The following COL13A1 variants were observed in gnomAD, a reference collection of about 807,000 sequenced individuals.
The protein encoded by COL13A1 is collagen type XIII alpha 1 chain.
COL13A1 carries 89 observed loss-of-function variants against 130.9 expected under a neutral mutation model. The ratio of observed to expected loss-of-function variants is 0.68; its 90% CI spans 0.57 to 0.81. The LOEUF is 0.81. Ranked by LOEUF, COL13A1 falls within the 30% of genes least tolerant of loss-of-function variation. The pLI is 0.00. For synonymous variants in COL13A1, 402 were observed against 341.6 expected (o/e 1.18, Z -1.95); for missense variants, 879 against 934.6 (o/e 0.94, Z 0.78).
intron 1 of COL13A1, among the ~76,000 whole-genome samples, chr10:69,807,359 G>A (rs1841868686): frequency 6.6e-6 from 1 of 152,218 alleles, no homozygotes; most frequent in Admixed American, 6.5e-5. Context: ...GGGAGAGGAA[G>A]TGGTTGAAAC....
At chr10:69,932,673 G>A (rs2066282817) in intron 31 of COL13A1, 69 bp downstream of exon 31, 3 of 1,063,302 alleles carry the variant, frequency 2.8e-6, no homozygotes, top group Non-Finnish European at 4.3e-6. Flanking sequence ...GTATTTCTGT[G>A]CTTTAGAATG....
intron 32 of COL13A1, among the ~76,000 whole-genome samples, chr10:69,936,169 GAAGGAAGGA>G (rs1480158884): frequency 0.49 from 12,789 of 26,330 alleles, 2,326 homozygotes; most frequent in Middle Eastern, 0.61. Flanking sequence ...AGGAAGGAAG[GAAGGAAGGA>G]AAGGAAAGGA....
At chr10:69,868,731 G>A (rs1487127946) in intron 3 of COL13A1, among the ~76,000 whole-genome samples, 1 of 152,106 alleles carries the variant, frequency 6.6e-6, no homozygotes, top group East Asian at 1.9e-4. Flanking sequence ...GGCCATTATC[G>A]AAGACTCCAT....
chr10:69,938,733 G>T (rs1020653388), intron 34 of COL13A1, among the ~76,000 whole-genome samples: 1 of 152,214 alleles, frequency 6.6e-6, no homozygotes, highest in Non-Finnish European at 1.5e-5. Flanking sequence ...AACAGCAAAT[G>T]CAGGAGGTAT....
intron 10 of COL13A1, among the ~76,000 whole-genome samples, chr10:69,891,028 C>T (rs1258052516): frequency 6.6e-6 from 1 of 152,196 alleles, no homozygotes; most frequent in African/African-American, 2.4e-5. Context: ...CTTCCTGCCA[C>T]CTTCCTTCTT....
chr10:69,904,503 G>A (rs550735236), intron 15 of COL13A1, among the ~76,000 whole-genome samples: 1 of 152,306 alleles, frequency 6.6e-6, no homozygotes, highest in Admixed American at 6.5e-5. Flanking sequence ...AGCACCATGG[G>A]CAGAAGGAGA....
rs1589302362 is a variant in COL13A1, at chr10:69,887,510, A to C, written c.549+19A>C. On this transcript the variant is annotated intron_variant, in intron 8 of 40. Transcript: ENST00000645393. ...ATTTCCGGTAAGTGGAGAAGGCTGA[A>C]GTTAGCTGTGTCCCAGGTGGTCTGT... The C allele has an allele frequency of 6.2e-7, 1 of 1,613,460 alleles. No homozygotes were observed.
Position 69,940,862 on chromosome 10 carries a change from G to T in COL13A1, c.1879-126G>T, listed in dbSNP as rs2067529188. On this transcript the variant is annotated intron_variant, in intron 34 of 40. Coordinates refer to ENST00000645393, the MANE Select transcript of COL13A1 (RefSeq NM_001368882.1). Reference sequence around the variant, plus strand: ...CAAGCTTATTTCTCCAGTTGTGTTTGATTACCAGCATTTATGTCTGTCCAG... The same window carrying T: ...CAAGCTTATTTCTCCAGTTGTGTTTTATTACCAGCATTTATGTCTGTCCAG... 3.1e-6 allele frequency: 4 copies of T among 1,303,748 alleles called. No homozygotes were observed. The South Asian group carries it at 5.3e-5, about 17-fold the overall frequency. 80.8% of individuals were successfully genotyped at this position (1,303,748 alleles called of 1,614,324 possible).
chr10:69,938,180 T>C (rs573997205), intron 34 of COL13A1, among the ~76,000 whole-genome samples: 1 of 152,182 alleles, frequency 6.6e-6, no homozygotes, highest in Non-Finnish European at 1.5e-5. Context: ...TCAGACTTTG[T>C]GGTCCCAGCA....
chr10:69,941,089 G>T (rs536137938), intron 35 of COL13A1, 66 bp downstream of exon 35: 1 of 1,611,540 alleles, frequency 6.2e-7, no homozygotes, highest in Non-Finnish European at 8.5e-7. Context: ...GATCCCTTTT[G>T]TCTGTCCCAC....
At position 69,958,830 on chromosome 10, in the gene COL13A1, C is replaced by G. The variant is rs2071311879; in HGVS notation, c.*129C>G. On this transcript the variant is annotated 3_prime_UTR_variant, in exon 41 of 41. Transcript: ENST00000645393. ...AGATTATTAAAAAAGAAAGAAAAAC[C>G]TGCATATTTTGTACAGAAAATATCA... 12 of 1,303,708 alleles carry G rather than the reference C, an allele frequency of 9.2e-6. No homozygotes were observed. Among genetic ancestry groups the G allele is most frequent in the Non-Finnish European group, 1.2e-5 (11 of 950,820 alleles). 80.8% of individuals were successfully genotyped at this position (1,303,708 alleles called of 1,614,324 possible).
intron 2 of COL13A1, among the ~76,000 whole-genome samples, chr10:69,835,762 C>T (rs1021722825): frequency 6.6e-6 from 1 of 152,194 alleles, no homozygotes; most frequent in Non-Finnish European, 1.5e-5. Flanking sequence ...ACCGAGGACT[C>T]GGCAGTGGCC....
At chr10:69,917,384 T>G (rs1396123360) in intron 18 of COL13A1, 51 bp downstream of exon 18, 42 of 1,516,216 alleles carry the variant, frequency 2.8e-5, no homozygotes, top group Non-Finnish European at 7.3e-6. Context: ...CCTCCCCCAG[T>G]GCCCATCCCT....
intron 2 of COL13A1, among the ~76,000 whole-genome samples, chr10:69,836,512 G>A (rs1253613635): frequency 6.6e-6 from 1 of 152,230 alleles, no homozygotes; most frequent in Non-Finnish European, 1.5e-5. Context: ...GCACATATAA[G>A]CAGGGGAGGG....
chr10:69,880,145 T>C (rs949323849), intron 6 of COL13A1, among the ~76,000 whole-genome samples: 14 of 152,090 alleles, frequency 9.2e-5, no homozygotes, highest in Non-Finnish European at 1.6e-4. Context: ...GCCACTCCAA[T>C]GGATCCTGTT....
intron 39 of COL13A1, among the ~76,000 whole-genome samples, chr10:69,954,183 C>T (rs1399323920): frequency 6.6e-6 from 1 of 152,196 alleles, no homozygotes; most frequent in Non-Finnish European, 1.5e-5. Flanking sequence ...AGGGTCACCC[C>T]GCCTAGGCTA....
intron 35 of COL13A1, among the ~76,000 whole-genome samples, chr10:69,941,398 C>T (rs1371120597): frequency 6.6e-6 from 1 of 152,174 alleles, no homozygotes; most frequent in Non-Finnish European, 1.5e-5. Context: ...TGTGTGTGCC[C>T]GTCATGCTGT....
Position 69,900,500 on chromosome 10 carries a change from C to T in COL13A1, c.750+1738C>T, listed in dbSNP as rs560094225. Among the ~76,000 whole-genome samples the T allele has an allele frequency of 9.9e-5, 15 of 152,224 alleles. No homozygotes were observed. The South Asian group carries it at 1.5e-3, about 15-fold the overall frequency. On this transcript the variant is annotated intron_variant, in intron 14 of 40. Transcript: ENST00000645393. Reference sequence around the variant, plus strand: ...TGGTTTCCAAAGTAGAGAAAGAAGACGAGGCACCTCTGAGCTACCTGCTGC... The same window carrying T: ...TGGTTTCCAAAGTAGAGAAAGAAGATGAGGCACCTCTGAGCTACCTGCTGC...
intron 2 of COL13A1, among the ~76,000 whole-genome samples, chr10:69,824,682 G>C (rs1398560246): frequency 6.6e-6 from 1 of 152,192 alleles, no homozygotes; most frequent in Non-Finnish European, 1.5e-5. Context: ...TCCTCTGCGG[G>C]GAAGGGACAG....
Sources: gnomAD v4.1 joint callset for allele counts (sites outside exome capture counted in the v4.1 genomes callset) on GRCh38, gnomAD v4.1.1 for gene constraint, MANE v1.5 for transcripts, NCBI Gene and HGNC (gene_info 2026-07-23, HGNC 2026-07-21) for gene names.